LRBA: variants seen among roughly 807,000 people sequenced by gnomAD.
The protein encoded by LRBA is lipopolysaccharide-responsive and beige-like anchor protein.
Under a neutral mutation model 330.0 loss-of-function variants are expected in LRBA, and 176 were observed. The ratio of observed to expected loss-of-function variants is 0.53; its 90% CI spans 0.47 to 0.60. The LOEUF (loss-of-function observed/expected upper bound fraction) is 0.60. Ranked by LOEUF, LRBA falls within the 20% of genes least tolerant of loss-of-function variation. The pLI is 0.00. For missense variants in LRBA, 3,259 were observed against 3,444.8 expected (o/e 0.95, Z 1.35); for synonymous variants, 1,230 against 1,193.0 (o/e 1.03, Z -0.64).
Position 150,583,580 on chromosome 4 carries a change from C to A in LRBA, c.6330+4468G>T. 1.2e-6 allele frequency: 2 copies of A among 1,613,804 alleles called. No homozygotes were observed. The stretch of plus-strand genomic sequence containing the variant: ...TGCACCGGGATCTGGCCTCGCAGCG[C>A]GGCACAGTGGCCTATGCCCCACATC... On this transcript the variant is annotated intron_variant, in intron 40 of 56. Transcript: ENST00000651943. This position sits in a 1 kb window ranked among gnomAD's most constrained non-coding sequence, Gnocchi z 9.8.
At chr4:150,745,940 C>CA (rs1172626113) in intron 35 of LRBA, among the ~76,000 whole-genome samples, 1 of 152,126 alleles carries the variant, frequency 6.6e-6, no homozygotes, top group Non-Finnish European at 1.5e-5. Flanking sequence ...CTTGATGTTT[C>CA]ACTCATTTTT....
chr4:150,795,729 C>T (rs1163676499), intron 34 of LRBA, among the ~76,000 whole-genome samples: 4 of 151,840 alleles, frequency 2.6e-5, no homozygotes, highest in Non-Finnish European at 5.9e-5. Flanking sequence ...TTGAAAATGA[C>T]AATCTTAGTC....
intron 36 of LRBA, among the ~76,000 whole-genome samples, chr4:150,714,816 C>T (rs112629264): frequency 2.6e-5 from 4 of 152,090 alleles, no homozygotes; most frequent in African/African-American, 7.2e-5. Context: ...ATTAAGATTG[C>T]TAATATAGTG....
chr4:150,668,277 G>A (rs1202386602), intron 37 of LRBA, among the ~76,000 whole-genome samples: 1 of 152,280 alleles, frequency 6.6e-6, no homozygotes, highest in East Asian at 1.9e-4. Flanking sequence ...CTCAAATGAT[G>A]CCAAAGTAAA....
At chr4:150,484,751 C>A (rs1757675474) in intron 42 of LRBA, among the ~76,000 whole-genome samples, 1 of 151,830 alleles carries the variant, frequency 6.6e-6, no homozygotes, top group South Asian at 2.1e-4. Flanking sequence ...CTCCCCTCCC[C>A]CTTACCCTCT....
chr4:150,818,548 GTGTGTGTGTGTGTGTGCGTGCACGAA>G (rs1744941380), intron 30 of LRBA, among the ~76,000 whole-genome samples: 1 of 150,982 alleles, frequency 6.6e-6, no homozygotes, highest in Admixed American at 6.6e-5. Context: ...GTGTGTGTGT[GTGTGTGTGTGTGTGTGCGTGCACGAA>G]TGTGTGTGTG....
At chr4:150,730,839 G>C (rs62346304) in intron 36 of LRBA, among the ~76,000 whole-genome samples, 2 of 150,140 alleles carry the variant, frequency 1.3e-5, no homozygotes, top group African/African-American at 4.9e-5. Flanking sequence ...CCAACACAGC[G>C]AAACCCCATC....
At chr4:150,551,674 T>TA (rs67971232) in intron 40 of LRBA, among the ~76,000 whole-genome samples, 19,276 of 144,898 alleles carry the variant, frequency 0.13, 1,313 homozygotes, top group Middle Eastern at 0.16. Context: ...TCTCAAAAAA[T>TA]AAAAAAAAAA....
intron 29 of LRBA, among the ~76,000 whole-genome samples, chr4:150,829,091 C>T (rs958933964): frequency 2.6e-5 from 4 of 151,914 alleles, no homozygotes; most frequent in African/African-American, 7.3e-5. Flanking sequence ...TGTGCTACCA[C>T]GTCTGGCTAA....
At chr4:150,387,938 T>C (rs946414372) in intron 47 of LRBA, among the ~76,000 whole-genome samples, 6 of 152,216 alleles carry the variant, frequency 3.9e-5, no homozygotes, top group African/African-American at 1.4e-4. Flanking sequence ...AAAGTCATGA[T>C]ACTAAAGTAG....
chr4:150,342,311 A>C lies in LRBA; in HGVS notation c.7362+7681T>G, dbSNP rs547713260. 2.6e-5 allele frequency among the ~76,000 whole-genome samples: 4 copies of C among 152,228 alleles called. No homozygotes were observed. The South Asian group carries it at 8.3e-4, about 32-fold the overall frequency. On this transcript the variant is annotated intron_variant, in intron 48 of 56. Transcript: ENST00000651943. Reference sequence around the variant, plus strand: ...CCTTATCTATAAAAGAATATATGTAATATTGAGGAACTAGAATAGATTAAA... The same window carrying C: ...CCTTATCTATAAAAGAATATATGTACTATTGAGGAACTAGAATAGATTAAA...
intron 44 of LRBA, among the ~76,000 whole-genome samples, chr4:150,448,628 C>T (rs1752912479): frequency 6.6e-6 from 1 of 151,640 alleles, no homozygotes; most frequent in Non-Finnish European, 1.5e-5. Flanking sequence ...ATGATGAAAC[C>T]CCATCTCTAA....
At chr4:150,582,985 A>T in intron 40 of LRBA, 1 of 1,534,990 alleles carries the variant, frequency 6.5e-7, no homozygotes, top group Non-Finnish European at 8.8e-7. Context: ...GGATCCCTCA[A>T]CGTATTGCGA....
intron 2 of LRBA, among the ~76,000 whole-genome samples, chr4:150,962,947 C>T (rs1738319681): frequency 6.9e-6 from 1 of 145,964 alleles, no homozygotes; most frequent in African/African-American, 2.7e-5. Context: ...GAGCCAGACT[C>T]TGTCTGAAAA....
chr4:150,915,533 TA>T, intron 8 of LRBA, 74 bp downstream of exon 8: 2 of 1,350,482 alleles, frequency 1.5e-6, no homozygotes, highest in Non-Finnish European at 1.0e-6. Flanking sequence ...ATTCAAGTTG[TA>T]AAACTTTTTC....
chr4:150,938,784 G>A (rs1043800694), intron 2 of LRBA, among the ~76,000 whole-genome samples: 7 of 152,074 alleles, frequency 4.6e-5, no homozygotes, highest in Non-Finnish European at 7.4e-5. Context: ...ACACTAGCCC[G>A]CTACCCAGAC....
chr4:150,661,078 TAAAAA>T (rs559512113), intron 37 of LRBA, among the ~76,000 whole-genome samples: 9 of 102,588 alleles, frequency 8.8e-5, no homozygotes, highest in African/African-American at 2.3e-4. Flanking sequence ...AAAAATAAAT[TAAAAA>T]AAAAAAAAAA....
At chr4:150,386,163 A>G (rs1274320022) in intron 47 of LRBA, among the ~76,000 whole-genome samples, 2 of 152,156 alleles carry the variant, frequency 1.3e-5, no homozygotes, top group Non-Finnish European at 2.9e-5. Flanking sequence ...AGTATTTGGC[A>G]TCATAATAAT....
At chr4:150,906,982 A>G (rs1235457487) in intron 11 of LRBA, among the ~76,000 whole-genome samples, 1 of 151,526 alleles carries the variant, frequency 6.6e-6, no homozygotes, top group African/African-American at 2.4e-5. Context: ...TTATCCCAAC[A>G]ACAAAATTGT....
Sources: allele counts gnomAD v4.1 joint callset (sites outside exome capture counted in the v4.1 genomes callset), GRCh38; gene constraint gnomAD v4.1.1; non-coding constraint Gnocchi (gnomAD v3.1); transcripts MANE v1.5; gene names NCBI Gene and HGNC (gene_info 2026-07-23, HGNC 2026-07-21).